The following PPM1B variants were observed in gnomAD, a reference collection of about 807,000 sequenced individuals.
The protein encoded by PPM1B is protein phosphatase, Mg2+/Mn2+ dependent 1B.
A neutral mutation model predicts 43.0 loss-of-function variants in PPM1B; 22 were observed. The observed-to-expected ratio is 0.51, with a 90% CI of 0.37 to 0.73. The LOEUF (loss-of-function observed/expected upper bound fraction) is 0.73, where lower values mean the gene tolerates loss of function less well. Ranked by LOEUF, PPM1B falls within the 30% of genes least tolerant of loss-of-function variation. PPM1B has a pLI of 0.00. For missense variants in PPM1B, 632 were observed against 584.2 expected (o/e 1.08, Z -0.84); for synonymous variants, 217 against 197.9 (o/e 1.10, Z -0.81).
chr2:44,189,414 G>T (rs1406897118), intron 1 of PPM1B, among the ~76,000 whole-genome samples: 1 of 152,048 alleles, frequency 6.6e-6, no homozygotes. Flanking sequence ...AACTGTCTAG[G>T]ATTCCCTCCG....
chr2:44,231,741 C>T (rs1460680898), downstream of PPM1B, among the ~76,000 whole-genome samples: 1 of 152,058 alleles, frequency 6.6e-6, no homozygotes, highest in African/African-American at 2.4e-5. Context: ...AAAATTGCCA[C>T]AGTGAGCATT....
chr2:44,232,908 A>G (rs1238753606), downstream of PPM1B: 1 of 974,508 alleles, frequency 1.0e-6, no homozygotes, highest in Non-Finnish European at 1.2e-6. Context: ...GGGTTCTCCA[A>G]TAATGTCCAA....
intron 5 of PPM1B, among the ~76,000 whole-genome samples, chr2:44,242,020 G>T (rs565551827): frequency 6.6e-6 from 1 of 151,688 alleles, no homozygotes; most frequent in Non-Finnish European, 1.5e-5. Flanking sequence ...CACCACGCCC[G>T]GCTAATTTTT....
chr2:44,201,659 GCTGTT>G lies in PPM1B; in HGVS notation c.465_469del (p.Leu156Ter). 6.2e-7 allele frequency: 1 copy of G among 1,614,186 alleles called. No individual in the cohort carries two copies. Among genetic ancestry groups the G allele is most frequent in the Non-Finnish European group, 8.5e-7 (1 of 1,180,038 alleles). ...CTTTATCAACTGTGGTGATTCACGT[GCTGTT>G]CTGTATAGGAATGGACAAGTCTGCT... On this transcript the variant is annotated frameshift_variant, in exon 2 of 6. Coordinates refer to ENST00000282412, the MANE Select transcript of PPM1B (RefSeq NM_002706.6). LOFTEE classifies it high-confidence loss of function. This position sits in a 1 kb window ranked among gnomAD's most constrained non-coding sequence, Gnocchi z 5.4.
At chr2:44,202,523 A>G (rs1214168770) in intron 2 of PPM1B, among the ~76,000 whole-genome samples, 1 of 152,204 alleles carries the variant, frequency 6.6e-6, no homozygotes, top group Non-Finnish European at 1.5e-5. Context: ...AAATAAAAAT[A>G]TGGGTTGTAT....
intron 3 of PPM1B, among the ~76,000 whole-genome samples, chr2:44,216,071 G>A (rs1170586093): frequency 6.6e-6 from 1 of 152,136 alleles, no homozygotes. Context: ...TTGACTTGTG[G>A]GAATTCATTG....
chr2:44,184,716 G>A (rs1359545943), intron 1 of PPM1B, among the ~76,000 whole-genome samples: 1 of 151,806 alleles, frequency 6.6e-6, no homozygotes, highest in East Asian at 1.9e-4. Flanking sequence ...ACTAAATCAG[G>A]GATTCTTAAG....
intron 1 of PPM1B, among the ~76,000 whole-genome samples, 173 bp downstream of exon 1, chr2:44,169,447 G>T (rs1478833782): frequency 6.6e-6 from 1 of 152,256 alleles, no homozygotes; most frequent in African/African-American, 2.4e-5. Flanking sequence ...GGAACGCCGG[G>T]CCTGGCTCTC....
intron 1 of PPM1B, among the ~76,000 whole-genome samples, chr2:44,196,563 C>T (rs1397474771): frequency 6.6e-6 from 1 of 152,168 alleles, no homozygotes; most frequent in Non-Finnish European, 1.5e-5. Flanking sequence ...ACTGCCCAAT[C>T]CACCCTTATG....
chr2:44,209,018 C>G (rs1316135651), intron 2 of PPM1B, among the ~76,000 whole-genome samples, 192 bp from the exon 3 acceptor site: 1 of 152,168 alleles, frequency 6.6e-6, no homozygotes, highest in Non-Finnish European at 1.5e-5. Context: ...GAAATGCTTA[C>G]AGATATACCC....
chr2:44,222,095 T>A (rs372154174), intron 5 of PPM1B, among the ~76,000 whole-genome samples: 1 of 152,122 alleles, frequency 6.6e-6, no homozygotes, highest in Admixed American at 6.5e-5. Flanking sequence ...TACATTTTGC[T>A]GTAAGTTGTC....
At position 44,240,201 on chromosome 2, in the gene PPM1B, A is replaced by G. The variant is rs141172867; in HGVS notation, n.1547-4027A>G. ...ATCTAGTTCCTTCTAATAAAATGCA[A>G]CTAATAATCCACATTCTAATATAAA... On this transcript the variant is annotated intron_variant and non_coding_transcript_variant, in intron 5 of 5. Transcript: ENST00000378540. Among the ~76,000 whole-genome samples, 151 of 145,814 alleles carry G rather than the reference A, an allele frequency of 1.0e-3. 14 individuals carry two copies. The highest frequency in any genetic ancestry group is 3.4e-3 in the African/African-American group (141 of 40,882).
chr2:44,193,868 T>TG (rs956802750), intron 1 of PPM1B, among the ~76,000 whole-genome samples: 25 of 152,224 alleles, frequency 1.6e-4, no homozygotes, highest in African/African-American at 5.3e-4. Flanking sequence ...CGTGAGCCAC[T>TG]GTGCCCAGCA....
chr2:44,236,463 G>C (rs1670617390), downstream of PPM1B, among the ~76,000 whole-genome samples: 2 of 146,742 alleles, frequency 1.4e-5, no homozygotes, highest in Admixed American at 7.0e-5. Flanking sequence ...TGAAAATAAT[G>C]GCGCTGTCTT....
chr2:44,182,714 A>T (rs185936663), intron 1 of PPM1B, among the ~76,000 whole-genome samples: 1 of 152,140 alleles, frequency 6.6e-6, no homozygotes, highest in East Asian at 1.9e-4. Context: ...TTTCCTAGTT[A>T]TGCTTTCTTT....
rs763340836 is a variant in PPM1B at position 44,241,090 on chromosome 2, G to A, written n.1547-3138G>A. Among the ~76,000 whole-genome samples the A allele has an allele frequency of 7.8e-5, 11 of 141,898 alleles. 1 individual carries two copies. Among genetic ancestry groups the A allele is most frequent in the Non-Finnish European group, 6.2e-5 (4 of 64,054 alleles). 93.1% of individuals were successfully genotyped at this position (141,898 alleles called of 152,430 possible). On this transcript the variant is annotated intron_variant and non_coding_transcript_variant, in intron 5 of 5. Coordinates refer to the PPM1B transcript ENST00000378540. ...GCGATCTTGGCTCACTGCAACTTCC[G>A]CCTCCCGGGTTCAAGTGATTCTCCT...
intron 5 of PPM1B, among the ~76,000 whole-genome samples, chr2:44,241,500 C>T (rs1259877783): frequency 7.0e-6 from 1 of 143,056 alleles, no homozygotes; most frequent in Non-Finnish European, 1.6e-5. Context: ...GGGAGGGCCA[C>T]CTGGAGAGAT....
chr2:44,198,139 C>G (rs967830094), intron 1 of PPM1B, among the ~76,000 whole-genome samples: 3 of 151,972 alleles, frequency 2.0e-5, no homozygotes, highest in South Asian at 4.1e-4. Context: ...ATTTGGTCGT[C>G]TTTTCTTGAA....
At chr2:44,206,170 G>A (rs1377077280) in intron 2 of PPM1B, among the ~76,000 whole-genome samples, 1 of 152,036 alleles carries the variant, frequency 6.6e-6, no homozygotes, top group Admixed American at 6.6e-5. Flanking sequence ...AAAAGAACAT[G>A]TAATAATCAA....
Sources: allele counts gnomAD v4.1 joint callset (sites outside exome capture counted in the v4.1 genomes callset), GRCh38; gene constraint gnomAD v4.1.1; non-coding constraint Gnocchi (gnomAD v3.1); transcripts MANE v1.5; gene names NCBI Gene and HGNC (gene_info 2026-07-23, HGNC 2026-07-21).